Variants in KCNIP4 observed in about 807,000 individuals in gnomAD.
KCNIP4 encodes potassium voltage-gated channel interacting protein 4.
Under a neutral mutation model 34.0 loss-of-function variants are expected in KCNIP4, and 12 were observed. That is an observed-to-expected ratio of 0.35 (90% CI 0.23 to 0.57). The LOEUF (loss-of-function observed/expected upper bound fraction) is 0.57. KCNIP4 is among the 20% of genes least tolerant of loss of function. KCNIP4 has a pLI of 0.83. For synonymous variants in KCNIP4, 124 were observed against 102.2 expected (o/e 1.21, Z -1.29); for missense variants, 238 against 311.7 (o/e 0.76, Z 1.78).
chr4:21,146,553 G>C (rs1272701610), intron 1 of KCNIP4, among the ~76,000 whole-genome samples: 1 of 152,182 alleles, frequency 6.6e-6, no homozygotes, highest in Non-Finnish European at 1.5e-5. Context: ...TACTTCTAAA[G>C]TGATGAGAAC....
intron 1 of KCNIP4, among the ~76,000 whole-genome samples, chr4:21,596,726 G>A (rs2202312): frequency 0.84 from 127,666 of 151,962 alleles, 53,715 homozygotes; most frequent in East Asian, 0.99. Context: ...GCAGGGGAAG[G>A]TCTTTTGTTT....
chr4:21,027,992 T>G (rs1241992126), intron 1 of KCNIP4, among the ~76,000 whole-genome samples: 1 of 152,174 alleles, frequency 6.6e-6, no homozygotes, highest in Non-Finnish European at 1.5e-5. Context: ...TCACAATCAC[T>G]GTGTCCTTAA....
chr4:21,877,187 T>C (rs1358512936), intron 1 of KCNIP4, among the ~76,000 whole-genome samples: 3 of 151,986 alleles, frequency 2.0e-5, no homozygotes, highest in Admixed American at 6.6e-5. Flanking sequence ...ACCACATCTC[T>C]ACTGAAAATA....
intron 1 of KCNIP4, among the ~76,000 whole-genome samples, chr4:21,706,037 G>A (rs1341144851): frequency 1.3e-5 from 2 of 152,020 alleles, no homozygotes; most frequent in African/African-American, 2.4e-5. Context: ...CTATCCTTGG[G>A]AAAACACAAA....
chr4:21,620,966 C>T (rs1744958782), intron 1 of KCNIP4, among the ~76,000 whole-genome samples: 1 of 152,184 alleles, frequency 6.6e-6, no homozygotes, highest in African/African-American at 2.4e-5. Flanking sequence ...GAGATTCTGA[C>T]TCCAGTGGTT....
intron 1 of KCNIP4, among the ~76,000 whole-genome samples, chr4:20,944,366 A>G (rs1250041130): frequency 6.6e-6 from 1 of 152,164 alleles, no homozygotes; most frequent in African/African-American, 2.4e-5. Context: ...CCATAGACCA[A>G]AGACTAATGA....
chr4:21,842,603 T>A (rs1723753559), intron 1 of KCNIP4, among the ~76,000 whole-genome samples: 1 of 152,118 alleles, frequency 6.6e-6, no homozygotes, highest in Admixed American at 6.6e-5. Context: ...TTAACACTAA[T>A]TTTTTAGAGC....
chr4:21,929,107 A>G (rs1729425502), intron 1 of KCNIP4, among the ~76,000 whole-genome samples: 1 of 152,118 alleles, frequency 6.6e-6, no homozygotes, highest in Non-Finnish European at 1.5e-5. Context: ...AAAATACACC[A>G]TTTGTGTAAG....
chr4:21,539,960 A>G (rs991499930), intron 1 of KCNIP4, among the ~76,000 whole-genome samples: 3 of 151,570 alleles, frequency 2.0e-5, no homozygotes, highest in Non-Finnish European at 4.4e-5. Flanking sequence ...CTTGGGCAAC[A>G]GAGCTAGACT....
chr4:20,964,890 T>C (rs184262659), intron 1 of KCNIP4, among the ~76,000 whole-genome samples: 1 of 152,150 alleles, frequency 6.6e-6, no homozygotes, highest in Non-Finnish European at 1.5e-5. Context: ...TAGAAAATGT[T>C]TTGGAGAGAT....
chr4:21,831,386 C>A (rs1722981491), intron 1 of KCNIP4, among the ~76,000 whole-genome samples: 1 of 151,284 alleles, frequency 6.6e-6, no homozygotes, highest in African/African-American at 2.4e-5. Context: ...AAAAGATAAA[C>A]AAAACTGACA....
At chr4:21,000,393 A>C (rs536111697) in intron 1 of KCNIP4, among the ~76,000 whole-genome samples, 1 of 151,156 alleles carries the variant, frequency 6.6e-6, no homozygotes, top group South Asian at 2.1e-4. Flanking sequence ...TCTTACTAAA[A>C]AAAGAAAAAA....
At position 21,836,914 on chromosome 4, in the gene KCNIP4, ATTTTTTT is replaced by A. The variant is rs201730191; in HGVS notation, c.61+111650_61+111656del. Among the ~76,000 whole-genome samples the A allele has an allele frequency of 1.1e-3, 142 of 123,508 alleles. 1 individual carries two copies. Among genetic ancestry groups the A allele is most frequent in the Admixed American group, 1.5e-3 (18 of 12,350 alleles). 81.0% of individuals were successfully genotyped at this position (123,508 alleles called of 152,430 possible). A position where few individuals can be genotyped will look rare whatever the true frequency, so the allele number is the denominator to read the frequency against. On this transcript the variant is annotated intron_variant, in intron 1 of 8. Coordinates refer to ENST00000382152, the MANE Select transcript of KCNIP4 (RefSeq NM_025221.6). ...TGGAAGCTCAAAAAAGCTGGGATAA[ATTTTTTT>A]TTTTTTTTTTTTTTGAGACAGAGTC... is the stretch of plus-strand genomic sequence containing the variant.
At position 21,593,139 on chromosome 4, in the gene KCNIP4, G is replaced by C. The variant is rs555130803; in HGVS notation, c.61+355432C>G. Among the ~76,000 whole-genome samples, 449 of 151,256 alleles carry C rather than the reference G, an allele frequency of 3.0e-3. 1 individual carries two copies. The highest frequency in any genetic ancestry group is 5.4e-3 in the South Asian group (26 of 4,778). ...TGTGTTTGTGTGTGTGTGTGTGTGT[G>C]TGTGTGTTTCTTAACAGAGTGAAAA... is the stretch of plus-strand genomic sequence containing the variant. On this transcript the variant is annotated intron_variant, in intron 1 of 8. Coordinates refer to ENST00000382152, the MANE Select transcript of KCNIP4 (RefSeq NM_025221.6).
intron 1 of KCNIP4, among the ~76,000 whole-genome samples, chr4:20,942,199 G>A (rs1731707167): frequency 6.6e-6 from 1 of 152,174 alleles, no homozygotes; most frequent in African/African-American, 2.4e-5. Flanking sequence ...GGCCACTGCT[G>A]CAATGAGTGA....
At chr4:20,803,176 T>A (rs548205597) in intron 3 of KCNIP4, among the ~76,000 whole-genome samples, 72 of 150,398 alleles carry the variant, frequency 4.8e-4, no homozygotes, top group Non-Finnish European at 8.1e-4. Context: ...AGAGGAAAAT[T>A]TATTGCAATA....
chr4:21,042,556 G>A (rs952517676), intron 1 of KCNIP4, among the ~76,000 whole-genome samples: 4 of 152,114 alleles, frequency 2.6e-5, no homozygotes, highest in Non-Finnish European at 5.9e-5. Context: ...GAGATAGTAG[G>A]CACTTGGTCA....
intron 1 of KCNIP4, among the ~76,000 whole-genome samples, chr4:21,431,520 T>C (rs1181787372): frequency 1.3e-5 from 2 of 152,054 alleles, no homozygotes; most frequent in Admixed American, 1.3e-4. Flanking sequence ...TGGTAGTCAA[T>C]GATGTTCAGA....
At chr4:21,619,798 C>A (rs1490922862) in intron 1 of KCNIP4, among the ~76,000 whole-genome samples, 1 of 152,202 alleles carries the variant, frequency 6.6e-6, no homozygotes, top group African/African-American at 2.4e-5. Flanking sequence ...TCAAGTGTTT[C>A]ATGGTCTAAT....
Sources: gnomAD v4.1 joint callset for allele counts (sites outside exome capture counted in the v4.1 genomes callset) on GRCh38, gnomAD v4.1.1 for gene constraint, MANE v1.5 for transcripts, NCBI Gene and HGNC (gene_info 2026-07-23, HGNC 2026-07-21) for gene names.